CCSER1: variants seen among roughly 807,000 people sequenced by gnomAD.
CCSER1 encodes the protein coiled-coil serine rich protein 1, also known as serine-rich coiled-coil domain-containing protein 1.
A neutral mutation model predicts 82.0 loss-of-function variants in CCSER1; 41 were observed. That is an observed-to-expected ratio of 0.50 (90% CI 0.39 to 0.65). The LOEUF is 0.65. Ranked by LOEUF, CCSER1 falls within the 30% of genes least tolerant of loss-of-function variation. The pLI is 0.00. For synonymous variants in CCSER1, 414 were observed against 383.9 expected (o/e 1.08, Z -0.92); for missense variants, 1,119 against 1,064.2 (o/e 1.05, Z -0.72).
intron 7 of CCSER1, among the ~76,000 whole-genome samples, chr4:90,799,447 G>A (rs2123959): frequency 0.13 from 19,318 of 152,178 alleles, 1,502 homozygotes; most frequent in Non-Finnish European, 0.17. Flanking sequence ...ACAGTATGGG[G>A]AGAGAGTGTG....
At chr4:91,441,417 A>G (rs1179254063) in intron 10 of CCSER1, among the ~76,000 whole-genome samples, 1 of 62,508 alleles carries the variant, frequency 1.6e-5, no homozygotes, top group Non-Finnish European at 3.9e-5. Context: ...ACAAAATTCA[A>G]CAACCCTTCA....
chr4:91,579,107 CTAT>C (rs1193785795), intron 10 of CCSER1, among the ~76,000 whole-genome samples: 9 of 151,404 alleles, frequency 5.9e-5, no homozygotes, highest in South Asian at 4.2e-4. Context: ...TCATCCTTTA[CTAT>C]TATTATTATA....
intron 9 of CCSER1, among the ~76,000 whole-genome samples, chr4:91,048,218 C>T (rs1581421818): frequency 6.6e-6 from 1 of 152,002 alleles, no homozygotes; most frequent in African/African-American, 2.4e-5. Context: ...AGTGACTATA[C>T]TATTTTATGT....
intron 5 of CCSER1, among the ~76,000 whole-genome samples, chr4:90,578,320 C>A (rs1283645774): frequency 1.3e-5 from 2 of 152,092 alleles, no homozygotes; most frequent in African/African-American, 4.8e-5. Context: ...ACTTTTCTTT[C>A]TGCAAGCTTT....
intron 10 of CCSER1, among the ~76,000 whole-genome samples, chr4:91,402,143 G>A (rs1263844811): frequency 1.3e-5 from 2 of 152,088 alleles, no homozygotes; most frequent in African/African-American, 4.8e-5. Flanking sequence ...TTCTCTGATG[G>A]GCAGTGATGA....
chr4:91,261,510 C>T (rs899987890), intron 10 of CCSER1, among the ~76,000 whole-genome samples: 1 of 152,168 alleles, frequency 6.6e-6, no homozygotes, highest in African/African-American at 2.4e-5. Context: ...CTTTCATTTA[C>T]ACTTCATATC....
At position 90,933,008 on chromosome 4, in the gene CCSER1, GAAAGAAA is replaced by G. The variant is rs1730309553; in HGVS notation, c.2172+9562_2172+9568del. Reference sequence around the variant, plus strand: ...AGAAAGAAAGAAAGAAAGAAAGAAAGAAAGAAAGAAAGAAAGAAAGAAAGAAAGAAAG... The same window carrying G: ...AGAAAGAAAGAAAGAAAGAAAGAAAGGAAAGAAAGAAAGAAAGAAAGAAAG... On this transcript the variant is annotated intron_variant, in intron 9 of 10. Coordinates refer to ENST00000509176, the MANE Select transcript of CCSER1 (RefSeq NM_001145065.2). Among the ~76,000 whole-genome samples the G allele has an allele frequency of 9.5e-5, 7 of 73,428 alleles. 2 individuals carry two copies. In the South Asian group the frequency reaches 2.2e-3, roughly 23 times the overall value. The allele number at this position is 73,428 out of a possible 152,430, so 48.2% of individuals were successfully genotyped here.
At chr4:90,296,970 A>G (rs1732085404) in intron 1 of CCSER1, among the ~76,000 whole-genome samples, 1 of 152,174 alleles carries the variant, frequency 6.6e-6, no homozygotes. Context: ...TGACTTGGCA[A>G]TGTGGGCTCT....
chr4:91,155,201 T>G (rs776339893), intron 10 of CCSER1, among the ~76,000 whole-genome samples: 1 of 151,912 alleles, frequency 6.6e-6, no homozygotes, highest in Non-Finnish European at 1.5e-5. Context: ...ATCCCCACGT[T>G]TCATGGGAGG....
At chr4:90,952,391 G>A (rs1421541641) in intron 9 of CCSER1, among the ~76,000 whole-genome samples, 1 of 151,986 alleles carries the variant, frequency 6.6e-6, no homozygotes, top group African/African-American at 2.4e-5. Context: ...GTAATGGGAA[G>A]AGGCCAGGTA....
intron 10 of CCSER1, among the ~76,000 whole-genome samples, chr4:91,467,837 A>C (rs971732087): frequency 6.6e-6 from 1 of 152,228 alleles, no homozygotes; most frequent in Admixed American, 6.5e-5. Flanking sequence ...GTGATCATTA[A>C]AAAGTCAGGA....
intron 2 of CCSER1, 135 bp from the exon 3 acceptor site, chr4:90,312,728 T>C: frequency 1.5e-6 from 1 of 682,538 alleles, no homozygotes; most frequent in Non-Finnish European, 2.5e-6. Flanking sequence ...AAACTGATGC[T>C]ATACATTTAA....
At chr4:90,473,591 T>A (rs1764676594) in intron 5 of CCSER1, among the ~76,000 whole-genome samples, 1 of 152,230 alleles carries the variant, frequency 6.6e-6, no homozygotes, top group African/African-American at 2.4e-5. Flanking sequence ...AAAGAATTGC[T>A]AACACTAACC....
intron 10 of CCSER1, among the ~76,000 whole-genome samples, chr4:91,229,389 G>A (rs763379504): frequency 8.6e-5 from 13 of 151,158 alleles, no homozygotes; most frequent in Admixed American, 4.0e-4. Context: ...GGGAATTTGC[G>A]GAGAATTCTC....
At chr4:91,275,500 C>G (rs1203142302) in intron 10 of CCSER1, among the ~76,000 whole-genome samples, 1 of 152,032 alleles carries the variant, frequency 6.6e-6, no homozygotes, top group Admixed American at 6.5e-5. Flanking sequence ...GATAATTTGT[C>G]CAACTTTTAG....
At chr4:91,503,759 G>C (rs937900061) in intron 10 of CCSER1, among the ~76,000 whole-genome samples, 4 of 152,140 alleles carry the variant, frequency 2.6e-5, no homozygotes, top group African/African-American at 9.7e-5. Flanking sequence ...ACCAGAACTT[G>C]AGAATAATTA....
chr4:91,491,970 A>G (rs1158474229), intron 10 of CCSER1, among the ~76,000 whole-genome samples: 1 of 141,560 alleles, frequency 7.1e-6, no homozygotes, highest in Non-Finnish European at 1.5e-5. Context: ...TTTTTTTGCA[A>G]TGCGGCAATG....
At chr4:91,526,180 C>T (rs531316038) in intron 10 of CCSER1, among the ~76,000 whole-genome samples, 1 of 152,264 alleles carries the variant, frequency 6.6e-6, no homozygotes, top group East Asian at 1.9e-4. Context: ...CTGAAGCCTG[C>T]TAGCTAAAAG....
At chr4:90,745,891 G>A (rs1747368011) in intron 7 of CCSER1, among the ~76,000 whole-genome samples, 1 of 151,400 alleles carries the variant, frequency 6.6e-6, no homozygotes, top group African/African-American at 2.4e-5. Flanking sequence ...TAGTAGAGAC[G>A]GGGTTTCACC....
Sources: allele counts gnomAD v4.1 joint callset (sites outside exome capture counted in the v4.1 genomes callset), GRCh38; gene constraint gnomAD v4.1.1; transcripts MANE v1.5; gene names NCBI Gene and HGNC (gene_info 2026-07-23, HGNC 2026-07-21).